The following ARHGEF33 variants were observed in gnomAD, a reference collection of about 807,000 sequenced individuals.
ARHGEF33 encodes the protein Rho guanine nucleotide exchange factor 33.
A neutral mutation model predicts 101.9 loss-of-function variants in ARHGEF33; 72 were observed. The observed-to-expected ratio is 0.71, with a 90% CI of 0.58 to 0.86. The LOEUF (loss-of-function observed/expected upper bound fraction) is 0.86, where lower values mean the gene tolerates loss of function less well. Ranked by LOEUF, ARHGEF33 falls within the 40% of genes least tolerant of loss-of-function variation. The pLI, the probability that ARHGEF33 is intolerant of heterozygous loss-of-function variation, is 0.00. For synonymous variants in ARHGEF33, 499 were observed against 442.5 expected (o/e 1.13, Z -1.60); for missense variants, 1,169 against 1,111.3 (o/e 1.05, Z -0.74).
In ARHGEF33 at chr2:38,904,547, A is replaced by C. The variant is rs188505894; in HGVS notation, c.-86+8698A>C. ...ATGGCAAAATCCCATCCCTACTAAA[A>C]ATACAAAAATTAGCCAGGCGTAGTC... On this transcript the variant is annotated intron_variant, in intron 2 of 17. Coordinates refer to ENST00000409978, the MANE Select transcript of ARHGEF33 (RefSeq NM_001145451.5). 2.4e-4 allele frequency among the ~76,000 whole-genome samples: 37 copies of C among 152,056 alleles called. No homozygotes were observed. In the East Asian group the frequency reaches 6.0e-3, roughly 25 times the overall value.
intron 2 of ARHGEF33, among the ~76,000 whole-genome samples, chr2:38,911,709 C>T (rs898404761): frequency 6.6e-6 from 1 of 152,256 alleles, no homozygotes; most frequent in Non-Finnish European, 1.5e-5. Context: ...AGAAGCTGAT[C>T]TTCAAAGGAA....
intron 17 of ARHGEF33, among the ~76,000 whole-genome samples, chr2:38,967,456 G>A (rs1053983969): frequency 3.9e-5 from 6 of 152,214 alleles, no homozygotes; most frequent in Admixed American, 6.5e-5. Flanking sequence ...GTTGAGAATT[G>A]TATTCCTCTT....
intron 10 of ARHGEF33, among the ~76,000 whole-genome samples, chr2:38,948,125 C>T (rs750042546): frequency 2.2e-4 from 34 of 152,100 alleles, no homozygotes; most frequent in Middle Eastern, 3.4e-3. Flanking sequence ...CTGAATACTT[C>T]GTCTTCATGA....
chr2:38,924,269 A>G (rs1017151852), intron 4 of ARHGEF33, among the ~76,000 whole-genome samples: 1 of 152,164 alleles, frequency 6.6e-6, no homozygotes, highest in Non-Finnish European at 1.5e-5. Flanking sequence ...AGTTCTGGTG[A>G]ATGTGTGTAA....
At chr2:38,900,268 T>G (rs1409700799) in intron 2 of ARHGEF33, among the ~76,000 whole-genome samples, 1 of 151,952 alleles carries the variant, frequency 6.6e-6, no homozygotes, top group Non-Finnish European at 1.5e-5. Flanking sequence ...AATAATGCAG[T>G]TTGAGAATGT....
intron 11 of ARHGEF33, among the ~76,000 whole-genome samples, chr2:38,951,919 A>C (rs561397477): frequency 6.6e-6 from 1 of 152,336 alleles, no homozygotes; most frequent in East Asian, 1.9e-4. Context: ...TCAAATGCCT[A>C]TGGGGCCAGA....
intron 2 of ARHGEF33, among the ~76,000 whole-genome samples, chr2:38,913,622 A>G (rs906290345): frequency 1.3e-5 from 2 of 152,066 alleles, no homozygotes; most frequent in Admixed American, 1.3e-4. Context: ...TAAAAATACA[A>G]AAAATTAGCT....
intron 4 of ARHGEF33, among the ~76,000 whole-genome samples, chr2:38,924,523 C>T (rs1348817239): frequency 6.6e-6 from 1 of 152,220 alleles, no homozygotes; most frequent in African/African-American, 2.4e-5. Flanking sequence ...GCTAGCCCAA[C>T]ACTCATACTA....
intron 1 of ARHGEF33, among the ~76,000 whole-genome samples, chr2:38,894,324 C>A (rs1286196925): frequency 7.2e-6 from 1 of 138,444 alleles, no homozygotes; most frequent in Non-Finnish European, 1.6e-5. Context: ...AGAGAGAAAA[C>A]CTGCCTTTAA....
rs537130000 is a variant in ARHGEF33 at position 38,929,585 on chromosome 2, T to A, written c.241-124T>A. 9 of 760,236 alleles carry A rather than the reference T, an allele frequency of 1.2e-5. No homozygotes were observed. The East Asian group carries it at 2.3e-4, about 20-fold the overall frequency. The allele number at this position is 760,236 out of a possible 1,614,324, so 47.1% of individuals were successfully genotyped here. On this transcript the variant is annotated intron_variant, in intron 5 of 17. Transcript: ENST00000409978. The stretch of plus-strand genomic sequence containing the variant: ...GAGGCCACGATGGAAGTAAATTTTT[T>A]AATCTCTCATTCATTCATTCATTCA...
chr2:38,937,308 T>TGG, intron 8 of ARHGEF33, 27 bp from the exon 9 acceptor site: 1 of 593,046 alleles, frequency 1.7e-6, no homozygotes, highest in Non-Finnish European at 2.9e-6. Flanking sequence ...TTTCTTTGTT[T>TGG]CCCCGCCCCT....
intron 2 of ARHGEF33, among the ~76,000 whole-genome samples, chr2:38,906,805 C>CA (rs769713983): frequency 0.066 from 3,323 of 50,384 alleles, 122 homozygotes; most frequent in East Asian, 0.18. Context: ...CCTGTATCTA[C>CA]AAAAAAAAAA....
At chr2:38,912,163 G>GGTTA (rs1245567864) in intron 2 of ARHGEF33, among the ~76,000 whole-genome samples, 3 of 152,234 alleles carry the variant, frequency 2.0e-5, no homozygotes, top group Non-Finnish European at 4.4e-5. Context: ...TGTTTTTAGA[G>GGTTA]GTTAGCACTG....
chr2:38,939,481 A>G (rs1282332242), intron 9 of ARHGEF33, among the ~76,000 whole-genome samples: 6 of 152,198 alleles, frequency 3.9e-5, no homozygotes, highest in Non-Finnish European at 7.3e-5. Flanking sequence ...CATACTTTCC[A>G]ATACTTGGGA....
At chr2:38,895,472 A>G (rs572121455) in intron 1 of ARHGEF33, among the ~76,000 whole-genome samples, 1 of 152,324 alleles carries the variant, frequency 6.6e-6, no homozygotes, top group Non-Finnish European at 1.5e-5. Flanking sequence ...CCCCTAAGCC[A>G]TGTTGGAGTT....
chr2:38,965,766 A>G (rs1433125853), intron 16 of ARHGEF33, among the ~76,000 whole-genome samples: 3 of 152,218 alleles, frequency 2.0e-5, no homozygotes, highest in Admixed American at 2.0e-4. Flanking sequence ...TTATTGTTAT[A>G]TATTACACTA....
chr2:38,905,524 G>A (rs1270592789), intron 2 of ARHGEF33, among the ~76,000 whole-genome samples: 2 of 152,226 alleles, frequency 1.3e-5, no homozygotes, highest in African/African-American at 4.8e-5. Flanking sequence ...GGAAATGGAA[G>A]CCCAGAGAGA....
chr2:38,960,374 A>G lies in ARHGEF33; in HGVS notation c.2069A>G (p.Tyr690Cys). 1.2e-5 allele frequency: 19 copies of G among 1,523,864 alleles called. No homozygotes were observed. Among genetic ancestry groups the G allele is most frequent in the Non-Finnish European group, 1.6e-5 (18 of 1,140,278 alleles). The allele number at this position is 1,523,864 out of a possible 1,614,324, so 94.4% of individuals were successfully genotyped here. The change falls in exon 16 of 18, where the codon TAC (tyrosine) becomes TGC (cysteine). Residue 690 changes from tyrosine to cysteine, a missense_variant. By Grantham distance (194) the Tyr-to-Cys change is radical. Transcript: ENST00000409978. ...TCGCCGGCGGGCAGCAGCAGCGCCT[A>G]CAAACTGGAGGCGGCGGCGCAGGCG... ...ATSPAGSSSA[Y>C]KLEAAAQAHG...
At chr2:38,938,842 T>G (rs1385635003) in intron 9 of ARHGEF33, among the ~76,000 whole-genome samples, 1 of 152,272 alleles carries the variant, frequency 6.6e-6, no homozygotes, top group Non-Finnish European at 1.5e-5. Flanking sequence ...TGTACTCTTT[T>G]GTGTCTGGCC....
Sources: allele counts gnomAD v4.1 joint callset (sites outside exome capture counted in the v4.1 genomes callset), GRCh38; gene constraint gnomAD v4.1.1; transcripts MANE v1.5; gene names NCBI Gene and HGNC (gene_info 2026-07-23, HGNC 2026-07-21).